The following PIBF1 variants were observed in gnomAD, a reference collection of about 807,000 sequenced individuals.
PIBF1 encodes the protein progesterone immunomodulatory binding factor 1.
Under a neutral mutation model 112.5 loss-of-function variants are expected in PIBF1, and 90 were observed. The observed-to-expected ratio is 0.80, with a 90% CI of 0.67 to 0.95. PIBF1 has a LOEUF of 0.95. Ranked by LOEUF, PIBF1 falls within the 40% of genes least tolerant of loss-of-function variation. The pLI, the probability that PIBF1 is intolerant of heterozygous loss-of-function variation, is 0.00. For missense variants in PIBF1, 915 were observed against 852.3 expected, an observed-to-expected ratio of 1.07 and a Z score of -0.92; for synonymous variants, 301 against 288.6, an observed-to-expected ratio of 1.04 and a Z score of -0.44.
intron 15 of PIBF1, among the ~76,000 whole-genome samples, chr13:72,968,345 G>T (rs1411556300): frequency 6.6e-6 from 1 of 151,286 alleles, no homozygotes; most frequent in Non-Finnish European, 1.5e-5. Context: ...TTGTCACCCA[G>T]ACTGGAGTGC....
chr13:72,912,038 G>A (rs1332912917), intron 12 of PIBF1, among the ~76,000 whole-genome samples: 1 of 151,710 alleles, frequency 6.6e-6, no homozygotes, highest in Admixed American at 6.6e-5. Flanking sequence ...GAAAAGGAAG[G>A]AAGGAAAGAA....
intron 11 of PIBF1, among the ~76,000 whole-genome samples, chr13:72,905,012 G>A (rs886247003): frequency 2.0e-5 from 3 of 151,218 alleles, no homozygotes; most frequent in African/African-American, 7.3e-5. Flanking sequence ...ACTAGTAAGT[G>A]ACTGAACTGT....
intron 14 of PIBF1, among the ~76,000 whole-genome samples, chr13:72,941,906 C>A (rs542760023): frequency 6.6e-6 from 1 of 151,946 alleles, no homozygotes; most frequent in Non-Finnish European, 1.5e-5. Flanking sequence ...TTTAAACATA[C>A]AGAAAATGAA....
intron 8 of PIBF1, among the ~76,000 whole-genome samples, chr13:72,831,383 A>C (rs966157487): frequency 2.0e-5 from 3 of 151,798 alleles, no homozygotes; most frequent in African/African-American, 7.3e-5. Flanking sequence ...ATCTTTCCTG[A>C]CTTCTCTTGT....
chr13:72,951,212 A>T (rs2042287944), intron 14 of PIBF1, among the ~76,000 whole-genome samples: 1 of 151,962 alleles, frequency 6.6e-6, no homozygotes, highest in Non-Finnish European at 1.5e-5. Context: ...CGTAGGGGAG[A>T]GGGATTCTTT....
intron 5 of PIBF1, among the ~76,000 whole-genome samples, chr13:72,818,073 T>C (rs1336300613): frequency 2.8e-5 from 4 of 143,090 alleles, no homozygotes; most frequent in Admixed American, 1.5e-4. Context: ...TATATACATA[T>C]ATATACACTA....
intron 14 of PIBF1, among the ~76,000 whole-genome samples, chr13:72,935,692 C>T (rs1213495774): frequency 6.6e-6 from 1 of 152,116 alleles, no homozygotes; most frequent in Non-Finnish European, 1.5e-5. Flanking sequence ...TTTCTACATC[C>T]TTGCCTTGAT....
In PIBF1 at chr13:72,822,589, A is replaced by G. The variant is rs2036605413; in HGVS notation, c.806+607A>G. ...ATAAACTAAGATCAAATAAATATGA[A>G]AGCCTTTAAATATATATGTACTGCA... On this transcript the variant is annotated intron_variant, in intron 6 of 17. Coordinates refer to ENST00000326291, the MANE Select transcript of PIBF1 (RefSeq NM_006346.4). Among the ~76,000 whole-genome samples the G allele has an allele frequency of 2.6e-5, 4 of 152,188 alleles. No individual in the cohort carries two copies. In the South Asian group the frequency reaches 8.3e-4, roughly 31 times the overall value.
intron 14 of PIBF1, among the ~76,000 whole-genome samples, chr13:72,950,846 C>G (rs1375459288): frequency 1.3e-5 from 2 of 152,130 alleles, no homozygotes; most frequent in Admixed American, 6.5e-5. Flanking sequence ...CATTTAGAAC[C>G]TAACGGGTTA....
chr13:72,854,829 T>C (rs1403454121), intron 10 of PIBF1, among the ~76,000 whole-genome samples: 7 of 152,180 alleles, frequency 4.6e-5, no homozygotes, highest in African/African-American at 9.6e-5. Flanking sequence ...TTTTTTTTTT[T>C]CAAAATCTAT....
At chr13:72,867,550 T>TA (rs1050262048) in intron 10 of PIBF1, among the ~76,000 whole-genome samples, 7 of 152,144 alleles carry the variant, frequency 4.6e-5, no homozygotes, top group African/African-American at 1.2e-4. Flanking sequence ...CTAGATCTGG[T>TA]AAAAAAATAT....
At chr13:72,931,786 AG>A (rs1265927442) in intron 14 of PIBF1, among the ~76,000 whole-genome samples, 1 of 143,526 alleles carries the variant, frequency 7.0e-6, no homozygotes, top group Non-Finnish European at 1.5e-5. Flanking sequence ...TCTGATGTCA[AG>A]ATCTAATTTT....
intron 16 of PIBF1, among the ~76,000 whole-genome samples, chr13:72,990,892 A>G (rs2043459229): frequency 6.6e-6 from 1 of 152,188 alleles, no homozygotes; most frequent in African/African-American, 2.4e-5. Flanking sequence ...ATATATATGT[A>G]TTTGGTTTAA....
Position 72,973,634 on chromosome 13 carries a change from C to A in PIBF1, c.2008C>A (p.Gln670Lys). 4 of 1,576,486 alleles carry A rather than the reference C, an allele frequency of 2.5e-6. No homozygotes were observed. Among genetic ancestry groups the A allele is most frequent in the Non-Finnish European group, 3.4e-6 (4 of 1,160,844 alleles). ...EKSALLQTKNQMALDLEQLLN... is the reference protein window; with the variant it reads ...EKSALLQTKNKMALDLEQLLN... ...GTCAGCTTTACTACAGACGAAGAAT[C>A]AAATGGCATTAGATTTAGAACAACT... is the stretch of plus-strand genomic sequence containing the variant. The change falls in exon 16 of 18, where the codon CAA becomes AAA. Residue 670 changes from glutamine to lysine, a missense_variant. Physicochemically the swap from Gln to Lys is moderately conservative, Grantham distance 53. Coordinates refer to ENST00000326291, the MANE Select transcript of PIBF1 (RefSeq NM_006346.4).
chr13:72,892,632 G>A (rs55677768), intron 10 of PIBF1, among the ~76,000 whole-genome samples: 16,750 of 151,956 alleles, frequency 0.11, 1,267 homozygotes, highest in Non-Finnish European at 0.17. Flanking sequence ...CTGAGCCTCA[G>A]GTTCTTCATC....
rs772913134 is a variant in PIBF1 at position 72,821,890 on chromosome 13, T to C, written c.714T>C (p.Ile238=). 1.2e-6 allele frequency: 2 copies of C among 1,612,782 alleles called. No homozygotes were observed. The highest frequency in any genetic ancestry group is 1.7e-4 in the Middle Eastern group (1 of 6,052). The change falls in exon 6 of 18, where the codon ATT becomes ATC. Residue 238 remains isoleucine, a synonymous_variant. Coordinates refer to ENST00000326291, the MANE Select transcript of PIBF1 (RefSeq NM_006346.4). ...EDRKNYSEVQ[I]RCQRLALELA... ...GAAAAAACTACTCTGAAGTTCAAAT[T>C]AGATGTCAACGTTTGGCCTTAGAAT...
At chr13:72,816,927 T>G (rs536430127) in intron 5 of PIBF1, among the ~76,000 whole-genome samples, 2 of 152,268 alleles carry the variant, frequency 1.3e-5, no homozygotes, top group East Asian at 3.9e-4. Flanking sequence ...TCATTGTGGC[T>G]TATAAAGGGA....
chr13:72,931,636 TCTGTTAAATTTAA>T (rs992194707), intron 14 of PIBF1, among the ~76,000 whole-genome samples: 3 of 150,806 alleles, frequency 2.0e-5, no homozygotes, highest in African/African-American at 7.3e-5. Context: ...AAATCACTCC[TCTGTTAAATTTAA>T]CTTTGTTTAC....
intron 17 of PIBF1, among the ~76,000 whole-genome samples, chr13:73,006,772 A>G (rs996859121): frequency 2.6e-5 from 4 of 152,086 alleles, no homozygotes; most frequent in African/African-American, 9.7e-5. Flanking sequence ...CATGTTATAT[A>G]TTAACGTTTT....
Sources: gnomAD v4.1 joint callset for allele counts (sites outside exome capture counted in the v4.1 genomes callset) on GRCh38, gnomAD v4.1.1 for gene constraint, MANE v1.5 for transcripts, NCBI Gene and HGNC (gene_info 2026-07-23, HGNC 2026-07-21) for gene names.